FHIP1A: variants seen among roughly 807,000 people sequenced by gnomAD.
FHIP1A encodes FHF complex subunit HOOK-interacting protein 1A.
A neutral mutation model predicts 88.6 loss-of-function variants in FHIP1A; 61 were observed. The observed-to-expected ratio is 0.69, with a 90% CI of 0.56 to 0.85. The LOEUF is 0.85. Among genes scored for constraint, FHIP1A ranks in the 40% least tolerant of loss-of-function variants. The probability of loss-of-function intolerance (pLI) is 0.00; values close to 1 mark genes in which losing one functional copy is unlikely to be tolerated. For synonymous variants in FHIP1A, 478 were observed against 496.0 expected (o/e 0.96, Z 0.48); for missense variants, 1,154 against 1,273.5 (o/e 0.91, Z 1.43).
chr4:151,637,145 T>C (rs1003572924), intron 8 of FHIP1A, among the ~76,000 whole-genome samples: 1 of 152,110 alleles, frequency 6.6e-6, no homozygotes, highest in Non-Finnish European at 1.5e-5. Flanking sequence ...CCACACCTCA[T>C]GCCATATACA....
chr4:151,521,026 C>T (rs1257150682), intron 3 of FHIP1A, among the ~76,000 whole-genome samples: 2 of 152,094 alleles, frequency 1.3e-5, no homozygotes. Context: ...TAACACATGT[C>T]CTATGTATTG....
chr4:151,499,754 G>A (rs2034063), intron 3 of FHIP1A, among the ~76,000 whole-genome samples: 3,115 of 152,252 alleles, frequency 0.02, 105 homozygotes, highest in African/African-American at 0.07. Context: ...TTCACATGAT[G>A]GCAGGAAGGA....
chr4:151,490,995 A>C (rs1227597794), intron 3 of FHIP1A, among the ~76,000 whole-genome samples: 1 of 151,954 alleles, frequency 6.6e-6, no homozygotes, highest in Non-Finnish European at 1.5e-5. Context: ...ATTTGAGATT[A>C]TGTTAAATGA....
intron 9 of FHIP1A, among the ~76,000 whole-genome samples, chr4:151,645,864 G>T (rs1166078763): frequency 6.6e-6 from 1 of 152,046 alleles, no homozygotes; most frequent in East Asian, 1.9e-4. Flanking sequence ...ATGATACTAA[G>T]ATGCTTTTGA....
At chr4:151,480,621 G>A (rs1472959683) in intron 2 of FHIP1A, among the ~76,000 whole-genome samples, 2 of 152,062 alleles carry the variant, frequency 1.3e-5, no homozygotes, top group Non-Finnish European at 2.9e-5. Flanking sequence ...TGGTTATGAG[G>A]TGATACTGGT....
chr4:151,416,761 G>A (rs1383452807), intron 1 of FHIP1A, among the ~76,000 whole-genome samples: 2 of 151,922 alleles, frequency 1.3e-5, no homozygotes, highest in African/African-American at 4.8e-5. Context: ...TCTTTTCTGT[G>A]GGAAAATACA....
chr4:151,493,604 A>G (rs1730358813), intron 3 of FHIP1A, among the ~76,000 whole-genome samples: 1 of 152,230 alleles, frequency 6.6e-6, no homozygotes, highest in Non-Finnish European at 1.5e-5. Context: ...ATCCAACAGC[A>G]TATCAAAAAG....
rs1282251995 is a variant in FHIP1A at position 151,650,106 on chromosome 4, C to G, written c.2065C>G (p.Pro689Ala). ...INNGPLLSTQ[P>A]ETDSEEEWNR... ...CAACGGCCCCCTCCTCAGCACCCAG[C>G]CAGAGACAGATTCAGAGGAGGAGTG... The change falls in exon 11 of 14, where the codon CCA becomes GCA. Residue 689 changes from proline (P) to alanine (A), a missense_variant. Pro to Ala is a conservative substitution (Grantham distance 27). Transcript: ENST00000435205. 3.2e-6 allele frequency: 5 copies of G among 1,551,646 alleles called. No individual in the cohort carries two copies. The highest frequency in any genetic ancestry group is 4.4e-6 in the Non-Finnish European group (5 of 1,146,974).
chr4:151,634,230 C>T (rs1736264071), intron 8 of FHIP1A, among the ~76,000 whole-genome samples: 1 of 151,598 alleles, frequency 6.6e-6, no homozygotes, highest in African/African-American at 2.4e-5. Context: ...AAGACTTGTG[C>T]ACTGAAAACT....
chr4:151,543,122 AG>A (rs1732360475), intron 3 of FHIP1A, among the ~76,000 whole-genome samples: 1 of 152,222 alleles, frequency 6.6e-6, no homozygotes, highest in African/African-American at 2.4e-5. Flanking sequence ...AACTCCATGA[AG>A]AAAGAACTGG....
At chr4:151,545,369 CTTTTTTT>C (rs569126288) in intron 3 of FHIP1A, among the ~76,000 whole-genome samples, 5 of 81,652 alleles carry the variant, frequency 6.1e-5, no homozygotes, top group African/African-American at 2.0e-4. Context: ...CCTTATCCTT[CTTTTTTT>C]TTTTTTTTTT....
intron 7 of FHIP1A, among the ~76,000 whole-genome samples, chr4:151,599,506 C>T (rs1160963698): frequency 6.6e-6 from 1 of 152,096 alleles, no homozygotes; most frequent in Non-Finnish European, 1.5e-5. Flanking sequence ...CCAATCTGAC[C>T]CCAAGTGATG....
chr4:151,470,466 C>T (rs1165540043), intron 2 of FHIP1A, among the ~76,000 whole-genome samples: 1 of 152,058 alleles, frequency 6.6e-6, no homozygotes, highest in African/African-American at 2.4e-5. Flanking sequence ...AGATGTTGGT[C>T]GTTTATTTCA....
At position 151,663,926 on chromosome 4, in the gene FHIP1A, A is replaced by G. The variant is rs1175266184; in HGVS notation, c.*1172A>G. Among the ~76,000 whole-genome samples the G allele has an allele frequency of 6.6e-6, 1 of 152,178 alleles. No individual in the cohort carries two copies. Among genetic ancestry groups the G allele is most frequent in the Non-Finnish European group, 1.5e-5 (1 of 68,014 alleles). On this transcript the variant is annotated 3_prime_UTR_variant, in exon 14 of 14. Transcript: ENST00000435205. ...TCATTAGAAGGCCCCAACGTGCTGT[A>G]TGAGCGTCCCTCTGCTGCTTTGCAG...
At chr4:151,618,106 A>G (rs569777580) in intron 7 of FHIP1A, among the ~76,000 whole-genome samples, 1 of 152,198 alleles carries the variant, frequency 6.6e-6, no homozygotes, top group Non-Finnish European at 1.5e-5. Flanking sequence ...TCTTTTGTGT[A>G]TCCTCAGCTG....
chr4:151,435,170 A>G (rs1176900273), intron 1 of FHIP1A, among the ~76,000 whole-genome samples: 1 of 35,632 alleles, frequency 2.8e-5, no homozygotes, highest in Non-Finnish European at 7.1e-5. Context: ...GTTGCTAACT[A>G]TAGTCCTATA....
At chr4:151,420,549 G>A (rs1733084638) in intron 1 of FHIP1A, among the ~76,000 whole-genome samples, 1 of 152,168 alleles carries the variant, frequency 6.6e-6, no homozygotes, top group African/African-American at 2.4e-5. Context: ...TTTCTTGGCT[G>A]TCTTTTCCTG....
chr4:151,639,163 C>A (rs1276630508), intron 9 of FHIP1A, among the ~76,000 whole-genome samples: 1 of 152,140 alleles, frequency 6.6e-6, no homozygotes, highest in African/African-American at 2.4e-5. Flanking sequence ...TATATAATTT[C>A]TATGATTTTT....
intron 2 of FHIP1A, among the ~76,000 whole-genome samples, chr4:151,455,255 G>T (rs1256156443): frequency 3.9e-5 from 6 of 152,186 alleles, no homozygotes; most frequent in Non-Finnish European, 8.8e-5. Context: ...CAAAGCCAAA[G>T]AATATAAAGA....
Sources: allele counts gnomAD v4.1 joint callset (sites outside exome capture counted in the v4.1 genomes callset), GRCh38; gene constraint gnomAD v4.1.1; transcripts MANE v1.5; gene names NCBI Gene and HGNC (gene_info 2026-07-23, HGNC 2026-07-21).